Variants in KANK1 observed in about 807,000 individuals in gnomAD.
KANK1 encodes the protein KN motif and ankyrin repeat domain-containing protein 1.
A neutral mutation model predicts 106.2 loss-of-function variants in KANK1; 109 were observed. The observed-to-expected ratio is 1.03, with a 90% CI of 0.88 to 1.20. KANK1 has a LOEUF of 1.20. Ranked by LOEUF, KANK1 falls within the 50% of genes most tolerant of loss-of-function variation. The pLI is 0.00. For synonymous variants in KANK1, 873 were observed against 652.2 expected, an observed-to-expected ratio of 1.34 and a Z score of -5.16; for missense variants, 2,399 against 1,710.7, an observed-to-expected ratio of 1.40 and a Z score of -7.10.
At chr9:734,302 C>G (rs1833144583) in intron 6 of KANK1, 2 of 169,836 alleles carry the variant, frequency 1.2e-5, no homozygotes, top group Non-Finnish European at 1.3e-5. Context: ...TGTGCTGCCT[C>G]TGCCCAAGCA....
intron 1 of KANK1, among the ~76,000 whole-genome samples, chr9:661,928 G>C (rs1843413119): frequency 6.6e-6 from 1 of 152,106 alleles, no homozygotes; most frequent in Non-Finnish European, 1.5e-5. Flanking sequence ...GTCTTCTTTT[G>C]AGAAGTGTCT....
In KANK1 at chr9:504,721, CGAGCGGCCGGCAGGTTGGGAG is replaced by C. The variant is rs1751478628; in HGVS notation, c.-107_-87del. ...AGCTCCGGGTCCGCGGCGGAGCGAGCGAGCGGCCGGCAGGTTGGGAGGAGCGGCCGAAGGTGAGTGACGCGG... is the reference window on the plus strand; with the variant it reads ...AGCTCCGGGTCCGCGGCGGAGCGAGCGAGCGGCCGAAGGTGAGTGACGCGG... On this transcript the variant is annotated 5_prime_UTR_variant, in exon 1 of 12. Transcript: ENST00000382297. 1 of 142,878 alleles carries C rather than the reference CGAGCGGCCGGCAGGTTGGGAG, an allele frequency of 7.0e-6. No individual in the cohort carries two copies. Among genetic ancestry groups the C allele is most frequent in the African/African-American group, 2.5e-5 (1 of 40,142 alleles). The allele number at this position is 142,878 out of a possible 1,614,324, so 8.9% of individuals were successfully genotyped here. A position where few individuals can be genotyped will look rare whatever the true frequency, so the allele number is the denominator to read the frequency against.
intron 3 of KANK1, among the ~76,000 whole-genome samples, chr9:473,666 T>G (rs1162022669): frequency 6.6e-6 from 1 of 152,214 alleles, no homozygotes; most frequent in East Asian, 1.9e-4. Context: ...TCTGGGTATG[T>G]GTTCAGGAAC....
intron 1 of KANK1, among the ~76,000 whole-genome samples, chr9:609,896 C>G (rs1239883942): frequency 6.6e-6 from 1 of 152,114 alleles, no homozygotes; most frequent in Non-Finnish European, 1.5e-5. Context: ...TTGTACCACT[C>G]TCACATAGAA....
chr9:484,169 A>G (rs4742042), intron 3 of KANK1: 29,776 of 152,066 alleles, frequency 0.2, 3,274 homozygotes, highest in East Asian at 0.44. Context: ...GGTTTCAAGG[A>G]TATGTCGGTG....
chr9:730,257 T>G lies in KANK1; in HGVS notation c.2896+9T>G. On this transcript the variant is annotated intron_variant, in intron 4 of 11. Transcript: ENST00000382297. ...CGCCGCTGGCCTCTATGGTAACTTT[T>G]CTCACTCACAGTCATTGGCATCAGG... 1 of 1,613,884 alleles carries G rather than the reference T, an allele frequency of 6.2e-7. No homozygotes were observed. Among genetic ancestry groups the G allele is most frequent in the Non-Finnish European group, 8.5e-7 (1 of 1,179,728 alleles).
At chr9:652,756 A>C (rs1159210983) in intron 1 of KANK1, among the ~76,000 whole-genome samples, 1 of 152,238 alleles carries the variant, frequency 6.6e-6, no homozygotes, top group Non-Finnish European at 1.5e-5. Flanking sequence ...ACTGGGAAGC[A>C]ATACACCAAA....
At position 478,921 on chromosome 9, in the gene KANK1, C is replaced by CTT. The variant is rs59794020; in HGVS notation, c.-362+5665_-362+5666dup. Among the ~76,000 whole-genome samples the CTT allele has an allele frequency of 5.6e-4, 77 of 137,616 alleles. 1 individual carries two copies. Among genetic ancestry groups the CTT allele is most frequent in the African/African-American group, 1.7e-3 (64 of 36,814 alleles). 90.3% of individuals were successfully genotyped at this position (137,616 alleles called of 152,430 possible). A position where few individuals can be genotyped will look rare whatever the true frequency, so the allele number is the denominator to read the frequency against. On this transcript the variant is annotated intron_variant, in intron 3 of 15. Coordinates refer to the KANK1 transcript ENST00000382303. ...ACTCTACCACGCTAAACATCCATTA[C>CTT]TTTTTTTTTTTTTTTTTTGAGAGTT...
At position 644,569 on chromosome 9, in the gene KANK1, C is replaced by T. The variant is rs147906571; in HGVS notation, c.-83-32321C>T. 7.8e-4 allele frequency among the ~76,000 whole-genome samples: 118 copies of T among 150,658 alleles called. 8 individuals carry two copies. The highest frequency in any genetic ancestry group is 2.6e-3 in the African/African-American group (103 of 40,034). On this transcript the variant is annotated intron_variant, in intron 1 of 11. Coordinates refer to ENST00000382297, the MANE Select transcript of KANK1 (RefSeq NM_015158.5). ...GAAGAGAGAGGAGAGAGGTGCTACA[C>T]GCTTTTAAATAACCAGATCTCACAG... is the stretch of plus-strand genomic sequence containing the variant.
chr9:564,350 C>T (rs1414097875), intron 1 of KANK1, among the ~76,000 whole-genome samples: 1 of 152,164 alleles, frequency 6.6e-6, no homozygotes, highest in Non-Finnish European at 1.5e-5. Context: ...GAGGGAGCCA[C>T]CGTGCCCGGC....
At chr9:588,102 G>C (rs561109561) in intron 1 of KANK1, among the ~76,000 whole-genome samples, 1 of 151,392 alleles carries the variant, frequency 6.6e-6, no homozygotes, top group African/African-American at 2.4e-5. Context: ...GAAATGACTT[G>C]CCCATGTTCA....
Position 713,203 on chromosome 9 carries a change from C to T in KANK1, c.2437C>T (p.Pro813Ser). 6.3e-7 allele frequency: 1 copy of T among 1,587,786 alleles called. No homozygotes were observed. The highest frequency in any genetic ancestry group is 8.6e-7 in the Non-Finnish European group (1 of 1,167,046). ...PVGESLENPQ[P>S]QAPLGMMTGL... is the part of the protein sequence containing the mutation. ...AGGGGAATCTCTGGAGAACCCCCAG[C>T]CTCAAGCTCCACTTGGAATGATGAC... Residue 813 changes from proline to serine, a missense_variant, in exon 3 of 12, where the codon CCT becomes TCT. Physicochemically the swap from Pro to Ser is moderately conservative, Grantham distance 74. Transcript: ENST00000382297.
chr9:511,856 T>C (rs1402549767), intron 1 of KANK1, among the ~76,000 whole-genome samples: 1 of 152,108 alleles, frequency 6.6e-6, no homozygotes, highest in Non-Finnish European at 1.5e-5. Flanking sequence ...CCCCAAAATT[T>C]AGTGGCTCAA....
intron 1 of KANK1, among the ~76,000 whole-genome samples, chr9:540,113 G>C (rs1013750156): frequency 2.0e-5 from 3 of 152,174 alleles, no homozygotes; most frequent in Non-Finnish European, 4.4e-5. Context: ...TTTTGCTCCT[G>C]ATCTTAGAGG....
chr9:629,350 T>A (rs961615640), intron 1 of KANK1, among the ~76,000 whole-genome samples: 1 of 152,136 alleles, frequency 6.6e-6, no homozygotes, highest in Non-Finnish European at 1.5e-5. Context: ...ACTCTCTCTC[T>A]TCCCCCAGCC....
intron 1 of KANK1, among the ~76,000 whole-genome samples, chr9:508,009 CGGG>C (rs1429798320): frequency 1.3e-5 from 2 of 149,674 alleles, no homozygotes; most frequent in African/African-American, 2.5e-5. Context: ...TTGTTAGAGA[CGGG>C]GGTTTTACCA....
At chr9:681,513 G>A (rs1817549732) in intron 2 of KANK1, among the ~76,000 whole-genome samples, 1 of 152,142 alleles carries the variant, frequency 6.6e-6, no homozygotes, top group Admixed American at 6.5e-5. Flanking sequence ...TGCTTTAGAA[G>A]CCAAATAACA....
At chr9:701,390 C>G (rs1041282947) in intron 2 of KANK1, among the ~76,000 whole-genome samples, 2 of 152,220 alleles carry the variant, frequency 1.3e-5, no homozygotes, top group Non-Finnish European at 2.9e-5. Flanking sequence ...AGGCATGAGC[C>G]TCCGCGCCCA....
rs1554696232 is a variant in KANK1 at position 711,151 on chromosome 9, C to T, written c.385C>T (p.Leu129Phe). Residue 129 changes from leucine (L) to phenylalanine (F), a missense_variant, in exon 3 of 12, where the codon CTC becomes TTC. Transcript: ENST00000382297. ...GCCACCTCCCCCTCTGGAGACCTCA[C>T]TCCCTTTTCTTACCATCCCAGAAAA... ...SKPPPPLETS[L>F]PFLTIPENRQ... The T allele has an allele frequency of 2.5e-6, 4 of 1,614,198 alleles. No individual in the cohort carries two copies. Among genetic ancestry groups the T allele is most frequent in the Middle Eastern group, 1.6e-4 (1 of 6,062 alleles).
Sources: allele counts gnomAD v4.1 joint callset (sites outside exome capture counted in the v4.1 genomes callset), GRCh38; gene constraint gnomAD v4.1.1; transcripts MANE v1.5; gene names NCBI Gene and HGNC (gene_info 2026-07-23, HGNC 2026-07-21).